Variants in ZNF516 observed in about 807,000 individuals in gnomAD.
The protein encoded by ZNF516 is zinc finger protein 516.
In ZNF516, 19 loss-of-function variants were observed where a neutral mutation model predicts 79.7. The observed-to-expected ratio is 0.24, with a 90% CI of 0.17 to 0.35. The LOEUF is 0.35. Ranked by LOEUF, ZNF516 falls within the 10% of genes least tolerant of loss-of-function variation. ZNF516 has a pLI of 1.00. For synonymous variants in ZNF516, 877 were observed against 739.5 expected (o/e 1.19, Z -3.02); for missense variants, 1,678 against 1,679.5 (o/e 1.00, Z 0.02).
chr18:76,420,605 G>T (rs539459472), intron 3 of ZNF516, among the ~76,000 whole-genome samples: 8 of 152,212 alleles, frequency 5.3e-5, no homozygotes, highest in African/African-American at 1.9e-4. Context: ...TTCTAAGTAG[G>T]ACAGATGATC....
chr18:76,437,462 A>T (rs1164266090), intron 3 of ZNF516, among the ~76,000 whole-genome samples: 24 of 150,306 alleles, frequency 1.6e-4, no homozygotes, highest in Admixed American at 1.5e-3. Context: ...TTCTTTGAAG[A>T]CTCTTTCCTT....
At position 76,371,344 on chromosome 18, in the gene ZNF516, C is replaced by T. The variant is rs542408912; in HGVS notation, c.3364+123G>A. ...ACGATCCCGGAGGCAGATGGCAGGC[C>T]CCCCGCCGCCTGGTAGGGGCTGAAA... On this transcript the variant is annotated intron_variant, in intron 5 of 6. Transcript: ENST00000443185. The T allele has an allele frequency of 3.2e-5, 32 of 985,652 alleles. 1 individual carries two copies. Among genetic ancestry groups the T allele is most frequent in the Middle Eastern group, 4.4e-4 (2 of 4,520 alleles). The allele number at this position is 985,652 out of a possible 1,614,324, so 61.1% of individuals were successfully genotyped here. A position where few individuals can be genotyped will look rare whatever the true frequency, so the allele number is the denominator to read the frequency against.
At chr18:76,446,366 A>G (rs1011836347) in intron 2 of ZNF516, among the ~76,000 whole-genome samples, 7 of 152,048 alleles carry the variant, frequency 4.6e-5, no homozygotes, top group African/African-American at 1.7e-4. Flanking sequence ...GGAAATACAG[A>G]CACTCTCGCT....
intron 1 of ZNF516, among the ~76,000 whole-genome samples, chr18:76,474,766 C>T (rs1914079129): frequency 6.6e-6 from 1 of 151,886 alleles, no homozygotes; most frequent in African/African-American, 2.4e-5. Context: ...CTGGCCTAAT[C>T]AAGAAGAAAA....
intron 3 of ZNF516, among the ~76,000 whole-genome samples, chr18:76,400,327 T>TGTCA (rs1440393446): frequency 6.6e-6 from 1 of 152,208 alleles, no homozygotes; most frequent in Non-Finnish European, 1.5e-5. Context: ...TTACAATTAT[T>TGTCA]GTCATTCTTT....
chr18:76,389,963 G>A (rs971483066), intron 3 of ZNF516, among the ~76,000 whole-genome samples: 2 of 152,164 alleles, frequency 1.3e-5, no homozygotes, highest in African/African-American at 4.8e-5. Flanking sequence ...TATTACATGA[G>A]GCAGTATGTC....
chr18:76,479,428 T>C (rs1914368242), intron 1 of ZNF516, among the ~76,000 whole-genome samples: 1 of 152,260 alleles, frequency 6.6e-6, no homozygotes. Context: ...CTGCCTGCTC[T>C]GTGAGTGATC....
At chr18:76,449,689 TCAATC>T (rs1187380543) in intron 2 of ZNF516, among the ~76,000 whole-genome samples, 1 of 152,266 alleles carries the variant, frequency 6.6e-6, no homozygotes, top group Non-Finnish European at 1.5e-5. Context: ...CTGTAAATCT[TCAATC>T]CATCTTAGAC....
At chr18:76,450,963 G>A (rs1215456162) in intron 2 of ZNF516, among the ~76,000 whole-genome samples, 2 of 152,158 alleles carry the variant, frequency 1.3e-5, no homozygotes, top group Non-Finnish European at 2.9e-5. Context: ...GGCACCGGAA[G>A]GCTAACCAAA....
At position 76,442,652 on chromosome 18, in the gene ZNF516, C is replaced by T. The variant is rs561459137; in HGVS notation, c.403G>A (p.Asp135Asn). 1.9e-6 allele frequency: 3 copies of T among 1,587,120 alleles called. No homozygotes were observed. The highest frequency in any genetic ancestry group is 2.2e-5 in the South Asian group (2 of 89,362). The change falls in exon 3 of 7, where the codon GAC (aspartate) becomes AAC (asparagine). Residue 135 changes from aspartate (D) to asparagine (N), a missense_variant. This residue lies in a region of ZNF516 where 279 missense variants were observed against 254.1 expected (regional missense o/e 1.10). Coordinates refer to ENST00000443185, the MANE Select transcript of ZNF516 (RefSeq NM_014643.4). ...GCCCCGTTCAGGACCCTGGCGCCGT[C>T]GGCCTGCGAGGCCCCGTTCAGCAGC... The part of the protein sequence containing the change: ...NRLLNGASQA[D>N]GARVLNGASQ...
At chr18:76,363,613 T>C (rs751537588) in intron 6 of ZNF516, among the ~76,000 whole-genome samples, 3 of 152,136 alleles carry the variant, frequency 2.0e-5, no homozygotes, top group Non-Finnish European at 4.4e-5. Flanking sequence ...AGTAATGGAA[T>C]GAGAGATGTG....
At chr18:76,426,396 G>A (rs1383392880) in intron 3 of ZNF516, among the ~76,000 whole-genome samples, 1 of 152,120 alleles carries the variant, frequency 6.6e-6, no homozygotes, top group Non-Finnish European at 1.5e-5. Context: ...TAACCTACCA[G>A]AAAAGGTTTA....
chr18:76,433,862 G>C (rs777006960), intron 3 of ZNF516, among the ~76,000 whole-genome samples: 1 of 152,194 alleles, frequency 6.6e-6, no homozygotes, highest in Non-Finnish European at 1.5e-5. Context: ...CTCCCAAAAA[G>C]CTCAGCAGCA....
At chr18:76,404,042 C>T (rs181359820) in intron 3 of ZNF516, among the ~76,000 whole-genome samples, 150 of 152,328 alleles carry the variant, frequency 9.8e-4, no homozygotes, top group South Asian at 9.7e-3. Context: ...GGCTCCTGTC[C>T]ACTGGGCAGG....
At chr18:76,440,889 T>C (rs2075808866) in intron 3 of ZNF516, among the ~76,000 whole-genome samples, 1 of 152,160 alleles carries the variant, frequency 6.6e-6, no homozygotes, top group Non-Finnish European at 1.5e-5. Flanking sequence ...GATGCTCAGG[T>C]GAGACCATCA....
intron 1 of ZNF516, among the ~76,000 whole-genome samples, chr18:76,483,368 T>C (rs917955635): frequency 6.6e-6 from 1 of 152,172 alleles, no homozygotes; most frequent in African/African-American, 2.4e-5. Flanking sequence ...TCTTGTCCCC[T>C]GGCACCAAAG....
intron 2 of ZNF516, among the ~76,000 whole-genome samples, chr18:76,450,307 G>T (rs954797189): frequency 5.9e-5 from 9 of 151,740 alleles, no homozygotes; most frequent in Non-Finnish European, 1.0e-4. Context: ...AGCTCTGAGG[G>T]ACCTGGTAGG....
chr18:76,407,850 C>T (rs1004838467), intron 3 of ZNF516, among the ~76,000 whole-genome samples: 4 of 152,322 alleles, frequency 2.6e-5, no homozygotes, highest in East Asian at 1.9e-4. Context: ...CCCTGCATTC[C>T]TCTATGCAGT....
At chr18:76,474,201 A>G (rs1914047139) in intron 1 of ZNF516, among the ~76,000 whole-genome samples, 1 of 152,252 alleles carries the variant, frequency 6.6e-6, no homozygotes, top group Non-Finnish European at 1.5e-5. Flanking sequence ...AGATTAAGTA[A>G]GCAAAAGTAG....
Sources: allele counts gnomAD v4.1 joint callset (sites outside exome capture counted in the v4.1 genomes callset), GRCh38; gene constraint gnomAD v4.1.1; regional missense constraint gnomAD v4.1.1; transcripts MANE v1.5; gene names NCBI Gene and HGNC (gene_info 2026-07-23, HGNC 2026-07-21).